WDR7: variants seen among roughly 807,000 people sequenced by gnomAD.
The protein encoded by WDR7 is WD repeat domain 7, also known as WD repeat-containing protein 7.
WDR7 carries 46 observed loss-of-function variants against 169.4 expected under a neutral mutation model. The observed-to-expected ratio is 0.27, with a 90% confidence interval of 0.21 to 0.35. The LOEUF (loss-of-function observed/expected upper bound fraction) is 0.35, where lower values mean the gene tolerates loss of function less well. WDR7 is among the 10% of genes least tolerant of loss of function. The pLI, the probability that WDR7 is intolerant of heterozygous loss-of-function variation, is 1.00. For synonymous variants in WDR7, 612 were observed against 666.8 expected (o/e 0.92, Z 1.27); for missense variants, 1,534 against 1,859.3 (o/e 0.83, Z 3.22).
In WDR7 at chr18:56,695,164, A is replaced by C. The variant is rs2025670128; in HGVS notation, c.1323A>C (p.Val441=). The C allele has an allele frequency of 6.2e-7, 1 of 1,614,080 alleles. No individual in the cohort carries two copies. The highest frequency in any genetic ancestry group is 1.3e-5 in the African/African-American group (1 of 74,952). The change falls in exon 11 of 28, where the codon GTA becomes GTC. Residue 441 remains valine (V), a synonymous_variant. Transcript: ENST00000254442. ...TACCTGCCACACAGACGGCCATAGT[A>C]CAGCTGTTGCAAGGGGAACACATGC... ...VIVPATQTAI[V]QLLQGEHMLR...
chr18:56,915,957 C>T (rs1049868300), intron 21 of WDR7, among the ~76,000 whole-genome samples: 9 of 152,126 alleles, frequency 5.9e-5, no homozygotes, highest in Admixed American at 3.3e-4. Context: ...CATTTTCCTC[C>T]GTCAGCCTCC....
intron 22 of WDR7, among the ~76,000 whole-genome samples, chr18:56,934,191 G>C (rs1209368075): frequency 6.6e-6 from 1 of 152,102 alleles, no homozygotes; most frequent in Non-Finnish European, 1.5e-5. Context: ...TTTAAAACTT[G>C]ACTTAAAATT....
chr18:56,771,825 T>A (rs1328051078), intron 16 of WDR7, among the ~76,000 whole-genome samples: 1 of 151,496 alleles, frequency 6.6e-6, no homozygotes, highest in East Asian at 1.9e-4. Context: ...GAGGTTGTGG[T>A]GAGCCAAGAT....
At position 57,027,468 on chromosome 18, in the gene WDR7, C is replaced by G; in HGVS notation, c.*261C>G. The G allele has an allele frequency of 5.8e-6, 3 of 515,676 alleles. No homozygotes were observed. The South Asian group carries it at 7.6e-5, about 13-fold the overall frequency. The allele number at this position is 515,676 out of a possible 1,614,324, so 31.9% of individuals were successfully genotyped here. A position where few individuals can be genotyped will look rare whatever the true frequency, so the allele number is the denominator to read the frequency against. On this transcript the variant is annotated 3_prime_UTR_variant, in exon 28 of 28. Transcript: ENST00000254442. ...GGTAGTTTTTCCCTGCCAGAGATGGCAGGGGAAAGCCAGTGGTTCCTGGGA... is the reference window on the plus strand; with the variant it reads ...GGTAGTTTTTCCCTGCCAGAGATGGGAGGGGAAAGCCAGTGGTTCCTGGGA...
rs1263266391 is a variant in WDR7 at position 57,027,255 on chromosome 18, A to G, written c.*48A>G. On this transcript the variant is annotated 3_prime_UTR_variant, in exon 28 of 28. Coordinates refer to ENST00000254442, the MANE Select transcript of WDR7 (RefSeq NM_015285.3). The stretch of plus-strand genomic sequence containing the variant: ...TGCGTTTTAGTTCTCTAAATTATCC[A>G]AGCCGATGTTGCTCTGTCCTTCCTC... 1.3e-6 allele frequency: 2 copies of G among 1,552,540 alleles called. No individual in the cohort carries two copies. The highest frequency in any genetic ancestry group is 1.7e-6 in the Non-Finnish European group (2 of 1,151,174).
intron 16 of WDR7, among the ~76,000 whole-genome samples, chr18:56,762,780 T>G (rs986318300): frequency 6.6e-6 from 1 of 152,078 alleles, no homozygotes; most frequent in Non-Finnish European, 1.5e-5. Flanking sequence ...CTCCTCCATT[T>G]TTTGGATTCA....
intron 26 of WDR7, among the ~76,000 whole-genome samples, chr18:57,011,777 A>G (rs564363205): frequency 1.3e-5 from 2 of 151,948 alleles, no homozygotes; most frequent in Non-Finnish European, 2.9e-5. Flanking sequence ...GAGATAGTAC[A>G]CCCAATAAGA....
intron 5 of WDR7, 97 bp from the exon 6 acceptor site, chr18:56,685,859 C>T: frequency 1.1e-6 from 1 of 918,464 alleles, no homozygotes; most frequent in Non-Finnish European, 1.7e-6. Context: ...GTAAAACATG[C>T]TATTGTTTAA....
At chr18:56,883,760 T>C (rs1255890223) in intron 21 of WDR7, among the ~76,000 whole-genome samples, 3 of 152,136 alleles carry the variant, frequency 2.0e-5, no homozygotes, top group South Asian at 2.1e-4. Flanking sequence ...GAACATACGA[T>C]GTTTGGTTTT....
At chr18:56,863,544 A>G (rs1050986123) in intron 20 of WDR7, among the ~76,000 whole-genome samples, 1 of 151,700 alleles carries the variant, frequency 6.6e-6, no homozygotes, top group Non-Finnish European at 1.5e-5. Context: ...TAGATTATAT[A>G]TTTTTGAAAA....
chr18:56,852,124 A>T (rs926160608), intron 20 of WDR7, among the ~76,000 whole-genome samples: 18 of 152,038 alleles, frequency 1.2e-4, no homozygotes, highest in Admixed American at 6.5e-4. Context: ...TTCTTCTCCA[A>T]CCCTGTTCCC....
chr18:56,676,357 AT>A (rs1445890366), intron 2 of WDR7, among the ~76,000 whole-genome samples: 3 of 152,210 alleles, frequency 2.0e-5, no homozygotes, highest in East Asian at 3.9e-4. Flanking sequence ...AGTTTAGTCC[AT>A]TTACATTCAG....
rs1243097948 is a variant in WDR7 at position 56,667,962 on chromosome 18, G to A, written c.-19-4535G>A. ...GCTTGAAAGAGTGGTGGTGGAGACA[G>A]CCATTAACAGAGACGCCCCAGAAAT... is the stretch of plus-strand genomic sequence containing the variant. On this transcript the variant is annotated intron_variant, in intron 1 of 27. Transcript: ENST00000254442. 3.9e-5 allele frequency among the ~76,000 whole-genome samples: 6 copies of A among 152,152 alleles called. No homozygotes were observed. In the South Asian group the frequency reaches 1.0e-3, roughly 26 times the overall value.
chr18:56,669,197 G>T (rs648290), intron 1 of WDR7, among the ~76,000 whole-genome samples: 139,621 of 152,104 alleles, frequency 0.92, 65,246 homozygotes, highest in East Asian at 1. Context: ...TCTATACAGA[G>T]CTGAGAAATA....
intron 14 of WDR7, among the ~76,000 whole-genome samples, chr18:56,734,886 A>G (rs1599001539): frequency 6.6e-6 from 1 of 152,158 alleles, no homozygotes; most frequent in Admixed American, 6.5e-5. Context: ...ATAACTACAC[A>G]TAGAGTATGG....
At chr18:56,928,859 A>G (rs140265698) in intron 22 of WDR7, among the ~76,000 whole-genome samples, 1 of 152,356 alleles carries the variant, frequency 6.6e-6, no homozygotes, top group Admixed American at 6.5e-5. Context: ...ACTCTAGCTT[A>G]TTCCAAAAGC....
intron 26 of WDR7, chr18:57,009,758 T>C: frequency 1.4e-6 from 1 of 738,726 alleles, no homozygotes; most frequent in African/African-American, 1.9e-5. Context: ...GTGAAAATGT[T>C]AAATACTTTT....
Position 56,806,562 on chromosome 18 carries a change from C to T in WDR7, c.3191-9469C>T, listed in dbSNP as rs944224415. The stretch of plus-strand genomic sequence containing the variant: ...GGAAGTACTAGGGCTCCCAGTAGCA[C>T]GGTTTTACATCATTGGCCTCATTGC... On this transcript the variant is annotated intron_variant, in intron 19 of 27. Coordinates refer to ENST00000254442, the MANE Select transcript of WDR7 (RefSeq NM_015285.3). 7.9e-5 allele frequency among the ~76,000 whole-genome samples: 12 copies of T among 152,270 alleles called. No individual in the cohort carries two copies. The South Asian group carries it at 2.1e-3, about 26-fold the overall frequency.
At chr18:56,988,324 C>G (rs965621795) in intron 26 of WDR7, among the ~76,000 whole-genome samples, 2 of 152,146 alleles carry the variant, frequency 1.3e-5, no homozygotes, top group African/African-American at 4.8e-5. Context: ...CACATTGCTG[C>G]TCATTGATAT....
Sources: gnomAD v4.1 joint callset for allele counts (sites outside exome capture counted in the v4.1 genomes callset) on GRCh38, gnomAD v4.1.1 for gene constraint, MANE v1.5 for transcripts, NCBI Gene and HGNC (gene_info 2026-07-23, HGNC 2026-07-21) for gene names.